The following ARMC2 variants were observed in gnomAD, a reference collection of about 807,000 sequenced individuals.
ARMC2 encodes the protein armadillo repeat-containing protein 2.
In ARMC2, 67 loss-of-function variants were observed where a neutral mutation model predicts 90.3. That is an observed-to-expected ratio of 0.74 (90% CI 0.61 to 0.91). The LOEUF is 0.91. ARMC2 is among the 40% of genes least tolerant of loss of function. ARMC2 has a pLI of 0.00. For missense variants in ARMC2, 920 were observed against 1,030.9 expected (o/e 0.89, Z 1.47); for synonymous variants, 393 against 393.0 (o/e 1.00, Z 0.00).
the ARMC2 span, chr6:108,998,377 G>T: frequency 2.1e-6 from 2 of 954,096 alleles, no homozygotes; most frequent in Non-Finnish European, 3.1e-6. Flanking sequence ...AAACCCTACT[G>T]AATGAATAGA....
rs546692063 is a variant in ARMC2, at chr6:108,906,400, C to G, written c.1023+1995C>G. Among the ~76,000 whole-genome samples, 4 of 152,112 alleles carry G rather than the reference C, an allele frequency of 2.6e-5. No homozygotes were observed. The South Asian group carries it at 8.3e-4, about 32-fold the overall frequency. On this transcript the variant is annotated intron_variant, in intron 8 of 17. Transcript: ENST00000392644. Reference sequence around the variant, plus strand: ...ACTTTTCTTTAATTTGCCAAATTTACTTTAAATAGAATAAACTACTGTTTT... The same window carrying G: ...ACTTTTCTTTAATTTGCCAAATTTAGTTTAAATAGAATAAACTACTGTTTT...
Position 108,928,095 on chromosome 6 carries a change from C to T in ARMC2, c.1358C>T (p.Ala453Val), listed in dbSNP as rs1340218710. ...AGCATGCTTTTATCCTAGGTGACTG[C>T]TACATTGAGAAACTTGGTTGATTCA... ...NSGHLLVQVTATLRNLVDSSL... is the reference protein window; with the variant it reads ...NSGHLLVQVTVTLRNLVDSSL... Residue 453 changes from alanine (A) to valine (V), a missense_variant, in exon 11 of 18, where the codon GCT becomes GTT. Coordinates refer to ENST00000392644, the MANE Select transcript of ARMC2 (RefSeq NM_032131.6). 6.2e-7 allele frequency: 1 copy of T among 1,602,806 alleles called. No homozygotes were observed. Among genetic ancestry groups the T allele is most frequent in the Non-Finnish European group, 8.5e-7 (1 of 1,176,598 alleles).
At chr6:108,994,303 T>C in the ARMC2 span, among the ~76,000 whole-genome samples, 1 of 152,180 alleles carries the variant, frequency 6.6e-6, no homozygotes, top group Non-Finnish European at 1.5e-5. Flanking sequence ...TTTTCTTAGT[T>C]GCTTGCTTTA....
chr6:108,968,732 G>A (rs767455705), intron 17 of ARMC2, among the ~76,000 whole-genome samples: 1 of 152,206 alleles, frequency 6.6e-6, no homozygotes, highest in Non-Finnish European at 1.5e-5. Context: ...AACAGGATGA[G>A]CTGTTGAATT....
chr6:108,857,008 T>C (rs1774699596), intron 2 of ARMC2, among the ~76,000 whole-genome samples: 1 of 152,030 alleles, frequency 6.6e-6, no homozygotes, highest in Non-Finnish European at 1.5e-5. Flanking sequence ...GTGTCAGCCC[T>C]TTTAATTTGT....
the ARMC2 span, among the ~76,000 whole-genome samples, chr6:109,035,539 C>T: frequency 6.7e-5 from 10 of 150,134 alleles, no homozygotes; most frequent in African/African-American, 1.7e-4. Flanking sequence ...TGTGACTACC[C>T]GGCAGAGGGA....
the ARMC2 span, among the ~76,000 whole-genome samples, chr6:108,999,590 C>T: frequency 7.9e-5 from 12 of 152,266 alleles, 1 homozygote; most frequent in Middle Eastern, 3.4e-3. Flanking sequence ...CCACTTCACA[C>T]TTATCAGAAT....
intron 12 of ARMC2, among the ~76,000 whole-genome samples, chr6:108,939,760 G>A (rs1776283979): frequency 1.3e-5 from 2 of 152,206 alleles, no homozygotes; most frequent in Non-Finnish European, 2.9e-5. Flanking sequence ...ACCATGTACA[G>A]TAACATGCTT....
At chr6:109,005,708 C>T in the ARMC2 span, among the ~76,000 whole-genome samples, 1 of 152,164 alleles carries the variant, frequency 6.6e-6, no homozygotes, top group African/African-American at 2.4e-5. Flanking sequence ...ACTGTCTCCC[C>T]TCTTCCTTAG....
intron 12 of ARMC2, among the ~76,000 whole-genome samples, chr6:108,938,907 A>G (rs1007646676): frequency 6.6e-6 from 1 of 152,218 alleles, no homozygotes; most frequent in Non-Finnish European, 1.5e-5. Flanking sequence ...GTACCTCACC[A>G]ATATGAGAGA....
chr6:108,876,295 G>C lies in ARMC2; in HGVS notation c.616G>C (p.Glu206Gln), dbSNP rs1319050562. Residue 206 changes from glutamate to glutamine, a missense_variant, in exon 5 of 18, where the codon GAG becomes CAG. Coordinates refer to ENST00000392644, the MANE Select transcript of ARMC2 (RefSeq NM_032131.6). ...TDDGGFSEIK[E>Q]QEMFKGTTSL... ...TGATGGAGGCTTCAGTGAAATAAAG[G>C]AGCAAGAAATGTTCAAAGGAACAAC... 4 of 1,612,722 alleles carry C rather than the reference G, an allele frequency of 2.5e-6. No individual in the cohort carries two copies. Among genetic ancestry groups the C allele is most frequent in the Admixed American group, 3.3e-5 (2 of 59,780 alleles).
the ARMC2 span, among the ~76,000 whole-genome samples, chr6:108,994,260 C>T: frequency 6.6e-6 from 1 of 152,036 alleles, no homozygotes; most frequent in Non-Finnish European, 1.5e-5. Flanking sequence ...TAAATGTCCT[C>T]CCCCTTAGTC....
At chr6:108,871,201 G>T (rs1161606491) in intron 4 of ARMC2, among the ~76,000 whole-genome samples, 2 of 152,120 alleles carry the variant, frequency 1.3e-5, no homozygotes, top group Non-Finnish European at 2.9e-5. Context: ...AAGTTGGAGA[G>T]AGCTGAGGCC....
At chr6:108,920,155 C>T (rs1774409742) in intron 10 of ARMC2, among the ~76,000 whole-genome samples, 1 of 152,068 alleles carries the variant, frequency 6.6e-6, no homozygotes, top group Non-Finnish European at 1.5e-5. Context: ...GTATTGATCA[C>T]TACACTGGCT....
intron 12 of ARMC2, among the ~76,000 whole-genome samples, chr6:108,949,207 G>A (rs955370467): frequency 2.0e-5 from 3 of 152,148 alleles, no homozygotes; most frequent in Admixed American, 6.5e-5. Flanking sequence ...GGAGAAGAGA[G>A]CCCAATTCCA....
At chr6:109,039,240 C>T in the ARMC2 span, among the ~76,000 whole-genome samples, 1 of 152,002 alleles carries the variant, frequency 6.6e-6, no homozygotes, top group Non-Finnish European at 1.5e-5. Flanking sequence ...TAGGGAAGAC[C>T]ATGACCAAAG....
the ARMC2 span, among the ~76,000 whole-genome samples, chr6:108,991,336 G>A: frequency 6.6e-6 from 1 of 152,066 alleles, no homozygotes; most frequent in African/African-American, 2.4e-5. Flanking sequence ...CCAACTGCTG[G>A]GCTCAAGCGA....
At chr6:109,017,266 G>T in the ARMC2 span, among the ~76,000 whole-genome samples, 181 of 152,100 alleles carry the variant, frequency 1.2e-3, no homozygotes, top group African/African-American at 4.2e-3. Context: ...TTCATTATTT[G>T]TAAATATTTA....
the ARMC2 span, among the ~76,000 whole-genome samples, chr6:109,042,095 CAG>C: frequency 1.8e-4 from 28 of 151,890 alleles, no homozygotes; most frequent in Non-Finnish European, 3.5e-4. Flanking sequence ...ACACCACACT[CAG>C]AAATAATTCA....
Sources: gnomAD v4.1 joint callset for allele counts (sites outside exome capture counted in the v4.1 genomes callset) on GRCh38, gnomAD v4.1.1 for gene constraint, MANE v1.5 for transcripts, NCBI Gene and HGNC (gene_info 2026-07-23, HGNC 2026-07-21) for gene names.